Variants in TMEM177 observed in about 807,000 individuals in gnomAD.
TMEM177 encodes transmembrane protein 177.
TMEM177 carries 4 observed loss-of-function variants against 14.2 expected under a neutral mutation model. The observed-to-expected ratio is 0.28, with a 90% CI of 0.14 to 0.64. The LOEUF is 0.64. Among genes scored for constraint, TMEM177 ranks in the 30% least tolerant of loss-of-function variants. The probability of loss-of-function intolerance (pLI) is 0.82; values close to 1 mark genes in which losing one functional copy is unlikely to be tolerated. For missense variants in TMEM177, 344 were observed against 405.2 expected (o/e 0.85, Z 1.30); for synonymous variants, 179 against 174.5 (o/e 1.03, Z -0.20).
chr2:119,691,172 G>A (rs1689088658), downstream of TMEM177, among the ~76,000 whole-genome samples: 1 of 152,176 alleles, frequency 6.6e-6, no homozygotes. Flanking sequence ...GCAGCCTCTG[G>A]CCTCAGAGCC....
At position 119,681,155 on chromosome 2, in the gene TMEM177, G is replaced by A. The variant is rs776413466; in HGVS notation, c.302G>A (p.Gly101Glu). ...VSAGFPRLPA[G>E]AVVGIPASFL... ...GCAGGCTTCCCAAGACTCCCTGCTG[G>A]GGCTGTGGTGGGCATCCCTGCCAGT... is the stretch of plus-strand genomic sequence containing the variant. The change falls in exon 2 of 2, where the codon GGG becomes GAG. Residue 101 changes from glycine (G) to glutamate (E), a missense_variant. Physicochemically the swap from Gly to Glu is moderately conservative, Grantham distance 98 (BLOSUM62 -2). Coordinates refer to ENST00000272521, the MANE Select transcript of TMEM177 (RefSeq NM_030577.3). 1.9e-6 allele frequency: 3 copies of A among 1,614,212 alleles called. No individual in the cohort carries two copies. Among genetic ancestry groups the A allele is most frequent in the South Asian group, 1.1e-5 (1 of 91,086 alleles).
chr2:119,685,427 A>G (rs1199456926), downstream of TMEM177, among the ~76,000 whole-genome samples: 1 of 151,810 alleles, frequency 6.6e-6, no homozygotes, highest in East Asian at 1.9e-4. Flanking sequence ...GCGCACACAC[A>G]CACACAAACC....
At chr2:119,685,679 G>T, downstream of TMEM177, 2 of 717,904 alleles carry the variant, frequency 2.8e-6, no homozygotes, top group Admixed American at 4.0e-5. Flanking sequence ...TCACAGAAAG[G>T]TGAAGAAATT....
the TMEM177 span, among the ~76,000 whole-genome samples, chr2:119,696,556 A>G: frequency 6.6e-6 from 1 of 152,358 alleles, no homozygotes; most frequent in East Asian, 1.9e-4. Flanking sequence ...CACAGCCAAT[A>G]AACAAGGAAT....
chr2:119,720,142 T>G, the TMEM177 span, among the ~76,000 whole-genome samples: 17,518 of 151,932 alleles, frequency 0.12, 1,126 homozygotes, highest in Middle Eastern at 0.17. Context: ...ATCCAAAATT[T>G]TTAAAAATAT....
At chr2:119,705,575 G>A in the TMEM177 span, among the ~76,000 whole-genome samples, 1 of 150,602 alleles carries the variant, frequency 6.6e-6, no homozygotes, top group Non-Finnish European at 1.5e-5. Flanking sequence ...CTTCCACAAA[G>A]TCAGCACATA....
the TMEM177 span, among the ~76,000 whole-genome samples, chr2:119,700,553 G>GA: frequency 3.3e-5 from 5 of 152,112 alleles, no homozygotes; most frequent in Non-Finnish European, 7.4e-5. Flanking sequence ...TTGCAGATGA[G>GA]AAAAATGAGA....
downstream of TMEM177, among the ~76,000 whole-genome samples, chr2:119,687,142 C>T (rs1339228901): frequency 1.3e-5 from 2 of 152,180 alleles, no homozygotes; most frequent in Admixed American, 1.3e-4. Context: ...AGGCCCTTGT[C>T]TTCTTGGCTT....
chr2:119,711,549 C>T, the TMEM177 span, among the ~76,000 whole-genome samples: 1 of 152,100 alleles, frequency 6.6e-6, no homozygotes, highest in Non-Finnish European at 1.5e-5. Flanking sequence ...GGCTGACACT[C>T]CCAAACAAAG....
At chr2:119,694,681 T>C in the TMEM177 span, among the ~76,000 whole-genome samples, 7 of 152,368 alleles carry the variant, frequency 4.6e-5, no homozygotes, top group African/African-American at 1.7e-4. Context: ...CGAAAGCATT[T>C]GAGAGCCAAG....
At chr2:119,682,337 A>G (rs1477813740), downstream of TMEM177, among the ~76,000 whole-genome samples, 1 of 152,088 alleles carries the variant, frequency 6.6e-6, no homozygotes, top group African/African-American at 2.4e-5. Flanking sequence ...GCACACCTCA[A>G]CACCAGGGTA....
At chr2:119,687,508 T>C (rs1689033649), downstream of TMEM177, among the ~76,000 whole-genome samples, 1 of 151,988 alleles carries the variant, frequency 6.6e-6, no homozygotes, top group Non-Finnish European at 1.5e-5. Context: ...AGAGAATGAG[T>C]GTCAGCAGGG....
the TMEM177 span, among the ~76,000 whole-genome samples, chr2:119,718,325 C>T: frequency 6.6e-6 from 1 of 152,192 alleles, no homozygotes; most frequent in Non-Finnish European, 1.5e-5. Flanking sequence ...GCACCACACA[C>T]CCCACCTCCG....
the TMEM177 span, among the ~76,000 whole-genome samples, chr2:119,703,068 C>T: frequency 3.3e-5 from 5 of 152,332 alleles, no homozygotes; most frequent in East Asian, 5.8e-4. Context: ...TCAGCAGGAG[C>T]CCCCGGGAGA....
chr2:119,699,970 C>T, the TMEM177 span: 8 of 370,866 alleles, frequency 2.2e-5, no homozygotes, highest in East Asian at 7.2e-5. Context: ...GAATAAAGCA[C>T]GTAAAATGCC....
chr2:119,710,599 C>T, the TMEM177 span, among the ~76,000 whole-genome samples: 1 of 152,094 alleles, frequency 6.6e-6, no homozygotes, highest in African/African-American at 2.4e-5. Flanking sequence ...CACTTGGACA[C>T]CTGCCATCTT....
At chr2:119,705,619 CGTGTGTGTGTGTGTGT>C in the TMEM177 span, among the ~76,000 whole-genome samples, 1 of 139,160 alleles carries the variant, frequency 7.2e-6, no homozygotes, top group Non-Finnish European at 1.5e-5. Flanking sequence ...CACTCAGATC[CGTGTGTGTGTGTGTGT>C]GTGTGTGTGT....
the TMEM177 span, among the ~76,000 whole-genome samples, chr2:119,692,812 A>C: frequency 1.3e-5 from 2 of 151,936 alleles, no homozygotes; most frequent in East Asian, 1.9e-4. Flanking sequence ...ATTTCTACTA[A>C]AAGTACAAAA....
chr2:119,685,119 G>T (rs1688989334), downstream of TMEM177, among the ~76,000 whole-genome samples: 1 of 151,932 alleles, frequency 6.6e-6, no homozygotes, highest in Non-Finnish European at 1.5e-5. Context: ...AACCTGCAAG[G>T]ATGCCCGACA....
Sources: allele counts gnomAD v4.1 joint callset (sites outside exome capture counted in the v4.1 genomes callset), GRCh38; gene constraint gnomAD v4.1.1; transcripts MANE v1.5; gene names NCBI Gene and HGNC (gene_info 2026-07-23, HGNC 2026-07-21).